Variants in SPATA16 observed in about 807,000 individuals in gnomAD.
The protein encoded by SPATA16 is spermatogenesis associated 16.
SPATA16 carries 36 observed loss-of-function variants against 63.3 expected under a neutral mutation model. The observed-to-expected ratio is 0.57, with a 90% CI of 0.44 to 0.75. SPATA16 has a LOEUF of 0.75. Ranked by LOEUF, SPATA16 falls within the 30% of genes least tolerant of loss-of-function variation. The pLI is 0.00. For missense variants in SPATA16, 646 were observed against 679.3 expected (o/e 0.95, Z 0.54); for synonymous variants, 203 against 216.7 (o/e 0.94, Z 0.56).
At chr3:173,024,617 G>A (rs1039564701) in intron 3 of SPATA16, among the ~76,000 whole-genome samples, 1 of 150,692 alleles carries the variant, frequency 6.6e-6, no homozygotes, top group Non-Finnish European at 1.5e-5. Context: ...CATCCAGGAT[G>A]AGAAATGAAC....
At chr3:172,914,577 T>C (rs1351924506) in intron 9 of SPATA16, among the ~76,000 whole-genome samples, 1 of 152,158 alleles carries the variant, frequency 6.6e-6, no homozygotes, top group African/African-American at 2.4e-5. Flanking sequence ...ACTGTTTAGA[T>C]AGCAGCATAC....
rs567877880 is a variant in SPATA16, at chr3:172,994,559, C to G, written c.849-17507G>C. Among the ~76,000 whole-genome samples the G allele has an allele frequency of 2.5e-3, 385 of 151,508 alleles. 2 individuals are homozygous for G. Among genetic ancestry groups the G allele is most frequent in the South Asian group, 6.0e-3 (29 of 4,810 alleles). On this transcript the variant is annotated intron_variant, in intron 4 of 10. Coordinates refer to ENST00000351008, the MANE Select transcript of SPATA16 (RefSeq NM_031955.6). ...GTGTGTATGTGTGTGTGTGTGCACA[C>G]GCACGTGATGGGAAAGGAGGCCAGA...
chr3:173,082,267 A>G (rs981670196), intron 2 of SPATA16, among the ~76,000 whole-genome samples: 10 of 152,214 alleles, frequency 6.6e-5, no homozygotes, highest in Non-Finnish European at 1.5e-4. Context: ...AGTATGTTCT[A>G]TCCTCCTACC....
intron 3 of SPATA16, among the ~76,000 whole-genome samples, chr3:173,043,571 A>T (rs1191785791): frequency 6.6e-6 from 1 of 151,980 alleles, no homozygotes; most frequent in East Asian, 1.9e-4. Context: ...TTGAAAAGAA[A>T]ATACAGTCTT....
In SPATA16 at chr3:172,913,438, C is replaced by T. The variant is rs568979200; in HGVS notation, c.1587+223G>A. ...TGAGCATGATAATGAAGAAAAATCA[C>T]GAAAGCATATGAACACAGCCTGTTG... is the stretch of plus-strand genomic sequence containing the variant. On this transcript the variant is annotated intron_variant, in intron 10 of 10. Coordinates refer to ENST00000351008, the MANE Select transcript of SPATA16 (RefSeq NM_031955.6). Among the ~76,000 whole-genome samples, 51 of 151,780 alleles carry T rather than the reference C, an allele frequency of 3.4e-4. No individual in the cohort carries two copies. The South Asian group carries it at 7.1e-3, about 21-fold the overall frequency.
chr3:172,926,945 A>T (rs1732750297), intron 6 of SPATA16, among the ~76,000 whole-genome samples: 1 of 152,256 alleles, frequency 6.6e-6, no homozygotes, highest in Non-Finnish European at 1.5e-5. Context: ...TCATTGAATG[A>T]TGGTTTAGTT....
intron 2 of SPATA16, among the ~76,000 whole-genome samples, chr3:173,076,186 TTTAAG>T (rs549522842): frequency 6.6e-6 from 1 of 152,148 alleles, no homozygotes; most frequent in Non-Finnish European, 1.5e-5. Flanking sequence ...CCATGTTACT[TTTAAG>T]TTCGCGAAAT....
At position 173,060,425 on chromosome 3, in the gene SPATA16, T is replaced by TA. The variant is rs141971033; in HGVS notation, c.613-11332dup. Among the ~76,000 whole-genome samples, 1,343 of 152,130 alleles carry TA rather than the reference T, an allele frequency of 8.8e-3. 17 individuals carry two copies. The highest frequency in any genetic ancestry group is 0.031 in the African/African-American group (1,290 of 41,516). On this transcript the variant is annotated intron_variant, in intron 2 of 10. Coordinates refer to ENST00000351008, the MANE Select transcript of SPATA16 (RefSeq NM_031955.6). ...GGAATTAGAGGAAAAATGAAAATTA[T>TA]AAAAAAATTAAATTACAGAATGAAT...
At chr3:173,042,518 T>A (rs1735867259) in intron 3 of SPATA16, among the ~76,000 whole-genome samples, 1 of 152,160 alleles carries the variant, frequency 6.6e-6, no homozygotes, top group Non-Finnish European at 1.5e-5. Flanking sequence ...AAAGGCATTT[T>A]AAAAATAATA....
chr3:172,959,787 C>CAT (rs66806016), intron 5 of SPATA16, among the ~76,000 whole-genome samples: 10,684 of 134,988 alleles, frequency 0.079, 405 homozygotes, highest in East Asian at 0.094. Flanking sequence ...AGTAATATAA[C>CAT]ATATATATAT....
intron 5 of SPATA16, among the ~76,000 whole-genome samples, chr3:172,962,875 A>G (rs1733822602): frequency 6.6e-6 from 1 of 152,154 alleles, no homozygotes; most frequent in Non-Finnish European, 1.5e-5. Flanking sequence ...TGGAAAAATA[A>G]AATTTTGTGA....
intron 3 of SPATA16, among the ~76,000 whole-genome samples, chr3:173,047,320 A>G (rs1735980573): frequency 6.6e-6 from 1 of 152,038 alleles, no homozygotes; most frequent in Non-Finnish European, 1.5e-5. Context: ...ATTATTAAAT[A>G]CGATTCAAAA....
chr3:172,900,884 G>A (rs1311761483), intron 10 of SPATA16, among the ~76,000 whole-genome samples: 2 of 151,762 alleles, frequency 1.3e-5, no homozygotes, highest in African/African-American at 4.8e-5. Context: ...CTCATGATCT[G>A]CCCACCTCTT....
intron 3 of SPATA16, among the ~76,000 whole-genome samples, chr3:173,040,345 C>T (rs1735811213): frequency 1.3e-5 from 2 of 152,074 alleles, no homozygotes; most frequent in African/African-American, 2.4e-5. Flanking sequence ...TGTATTTACC[C>T]TGCAAGGCTA....
chr3:173,094,051 T>G (rs1193796985), intron 2 of SPATA16, among the ~76,000 whole-genome samples: 5 of 152,032 alleles, frequency 3.3e-5, no homozygotes, highest in Non-Finnish European at 7.4e-5. Context: ...TTCTTTTTTT[T>G]TTTTGCATCC....
At chr3:172,951,434 G>C (rs1023329864) in intron 6 of SPATA16, among the ~76,000 whole-genome samples, 4 of 151,852 alleles carry the variant, frequency 2.6e-5, no homozygotes, top group African/African-American at 9.7e-5. Context: ...GAAGTGAATA[G>C]GTCTTCTCAT....
rs1227718565 is a variant in SPATA16, at chr3:172,898,636, TA to T, written c.1588-8945del. Among the ~76,000 whole-genome samples, 94 of 149,974 alleles carry T rather than the reference TA, an allele frequency of 6.3e-4. 1 individual carries two copies. The highest frequency in any genetic ancestry group is 1.6e-3 in the East Asian group (8 of 5,160). On this transcript the variant is annotated intron_variant, in intron 10 of 10. Transcript: ENST00000351008. Reference sequence around the variant, plus strand: ...TTAGTCTTGCTAGATTTTTTTTTTTTAATTTTACTAACCTGTTCAAAGAACC... The same window carrying T: ...TTAGTCTTGCTAGATTTTTTTTTTTTATTTTACTAACCTGTTCAAAGAACC...
chr3:173,118,351 T>C (rs1350171709), intron 1 of SPATA16, among the ~76,000 whole-genome samples: 1 of 152,210 alleles, frequency 6.6e-6, no homozygotes, highest in Non-Finnish European at 1.5e-5. Flanking sequence ...CCTTCAATCT[T>C]ACAGAAATGT....
chr3:172,917,765 TTTC>T lies in SPATA16; in HGVS notation c.1339-1287_1339-1285del, dbSNP rs909738023. Among the ~76,000 whole-genome samples, 161 of 152,376 alleles carry T rather than the reference TTTC, an allele frequency of 1.1e-3. 2 individuals are homozygous for T. Among genetic ancestry groups the T allele is most frequent in the African/African-American group, 3.7e-3 (154 of 41,596 alleles). ...AGAGAAGGCAGACATATAATTTCAC[TTTC>T]TTAAGAGAATCTCCTCTAAGGAGAA... On this transcript the variant is annotated intron_variant, in intron 8 of 10. Transcript: ENST00000351008.
Sources: gnomAD v4.1 joint callset for allele counts (sites outside exome capture counted in the v4.1 genomes callset) on GRCh38, gnomAD v4.1.1 for gene constraint, MANE v1.5 for transcripts, NCBI Gene and HGNC (gene_info 2026-07-23, HGNC 2026-07-21) for gene names.